CRISP3: variants seen among roughly 807,000 people sequenced by gnomAD.
The protein encoded by CRISP3 is cysteine rich secretory protein 3.
Under a neutral mutation model 36.1 loss-of-function variants are expected in CRISP3, and 33 were observed. The ratio of observed to expected loss-of-function variants is 0.91; its 90% CI spans 0.69 to 1.22. CRISP3 has a LOEUF of 1.22. Among genes scored for constraint, CRISP3 ranks in the 50% most tolerant of loss-of-function variants. The probability of loss-of-function intolerance (pLI) is 0.00; values close to 1 mark genes in which losing one functional copy is unlikely to be tolerated. For synonymous variants in CRISP3, 117 were observed against 104.6 expected (o/e 1.12, Z -0.72); for missense variants, 330 against 301.2 (o/e 1.10, Z -0.71).
At chr6:49,740,045 A>G (rs1461418142) in intron 1 of CRISP3, among the ~76,000 whole-genome samples, 1 of 152,174 alleles carries the variant, frequency 6.6e-6, no homozygotes, top group East Asian at 1.9e-4. Flanking sequence ...TATGATTTCA[A>G]ATAGTGATGG....
chr6:49,742,590 C>CCACTG (rs1769233588), intron 1 of CRISP3, among the ~76,000 whole-genome samples: 1 of 142,462 alleles, frequency 7.0e-6, no homozygotes, highest in African/African-American at 2.6e-5. Flanking sequence ...CGAGAGTGTG[C>CCACTG]CACTGCACTC....
chr6:49,733,194 C>A lies in CRISP3; in HGVS notation c.560+1G>T. 6.5e-7 allele frequency: 1 copy of A among 1,539,620 alleles called. No individual in the cohort carries two copies. Among genetic ancestry groups the A allele is most frequent in the Non-Finnish European group, 8.9e-7 (1 of 1,122,258 alleles). On this transcript the variant is annotated splice_donor_variant, in intron 6 of 7. Coordinates refer to ENST00000263045, the MANE Select transcript of CRISP3 (RefSeq NM_006061.4). LOFTEE classifies it high-confidence loss of function. ...CAATAAACGCTAAAATATATACTTA[C>A]GCAGGACAATATTGGCAAACATAGT...
chr6:49,730,394 G>GT lies in CRISP3; in HGVS notation c.649+768dup, dbSNP rs1233718607. Among the ~76,000 whole-genome samples the GT allele has an allele frequency of 3.3e-5, 5 of 152,080 alleles. No homozygotes were observed. In the East Asian group the frequency reaches 9.7e-4, roughly 30 times the overall value. ...GATTATTATACTAAACTTGATGATT[G>GT]TAACTACACTATGGCAAAAATGAGG... On this transcript the variant is annotated intron_variant, in intron 7 of 7. Transcript: ENST00000263045.
chr6:49,741,687 C>A (rs1244331227), intron 1 of CRISP3, among the ~76,000 whole-genome samples: 3 of 137,176 alleles, frequency 2.2e-5, no homozygotes, highest in Admixed American at 1.5e-4. Context: ...TACTGCAAAT[C>A]TATACCCAAT....
intron 1 of CRISP3, 89 bp from the exon 2 acceptor site, chr6:49,737,487 G>C: frequency 7.5e-7 from 1 of 1,341,436 alleles, no homozygotes; most frequent in Non-Finnish European, 1.1e-6. Context: ...GAAACGTAAT[G>C]ACCTCCATTA....
At chr6:49,735,985 C>T (rs1769041990) in intron 3 of CRISP3, among the ~76,000 whole-genome samples, 1 of 151,986 alleles carries the variant, frequency 6.6e-6, no homozygotes, top group Admixed American at 6.6e-5. Context: ...TTTTCCCCCT[C>T]ACTGAATATG....
rs184193221 is a variant in CRISP3 at position 49,733,681 on chromosome 6, G to T, written c.462+22C>A. On this transcript the variant is annotated intron_variant, in intron 5 of 7. Transcript: ENST00000263045. ...TTTTAGGGCACTTATAAAGGAGATG[G>T]TTTTTCATTTCTTCTCCTTACCTGT... 1.4e-3 allele frequency: 2,217 copies of T among 1,591,402 alleles called. 32 individuals are homozygous for T. The African/African-American group carries it at 0.027, about 20-fold the overall frequency.
At chr6:49,730,042 T>C (rs566504575) in intron 7 of CRISP3, among the ~76,000 whole-genome samples, 1 of 152,236 alleles carries the variant, frequency 6.6e-6, no homozygotes, top group East Asian at 1.9e-4. Flanking sequence ...TTTGGTATTA[T>C]CAGTATTCTG....
chr6:49,743,560 T>A (rs1160268775), intron 1 of CRISP3, among the ~76,000 whole-genome samples: 2 of 152,198 alleles, frequency 1.3e-5, no homozygotes, highest in African/African-American at 4.8e-5. Context: ...CTTTAAAATC[T>A]TCTGTCTAGT....
chr6:49,734,793 C>G (rs952226702), intron 4 of CRISP3, among the ~76,000 whole-genome samples: 1 of 151,998 alleles, frequency 6.6e-6, no homozygotes, highest in Non-Finnish European at 1.5e-5. Context: ...TTTGCCTTTA[C>G]CTATGTTATT....
At chr6:49,738,463 A>G (rs1196041555) in intron 1 of CRISP3, among the ~76,000 whole-genome samples, 1 of 152,194 alleles carries the variant, frequency 6.6e-6, no homozygotes, top group African/African-American at 2.4e-5. Flanking sequence ...CAAATAGTAT[A>G]TGGTAGATCC....
At position 49,733,253 on chromosome 6, in the gene CRISP3, C is replaced by T. The variant is rs1160407546; in HGVS notation, c.502G>A (p.Ala168Thr). ...AGAACTTTTTGATTGGGACAGTAGG[C>T]ATTTCCACATCCAACGAGGTATGAA... ...YSSYLVGCGN[A>T]YCPNQKVLKY... The change falls in exon 6 of 8, where the codon GCC becomes ACC. Residue 168 changes from alanine to threonine, a missense_variant. Ala to Thr is a moderately conservative substitution (Grantham distance 58). Transcript: ENST00000263045. 6.2e-7 allele frequency: 1 copy of T among 1,611,282 alleles called. No homozygotes were observed.
chr6:49,735,632 A>C, intron 3 of CRISP3, 41 bp from the exon 4 acceptor site: 60 of 1,480,948 alleles, frequency 4.1e-5, no homozygotes, highest in Non-Finnish European at 5.0e-5. Flanking sequence ...TTAATGTCTC[A>C]AACCTCAAAG....
At chr6:49,736,284 A>G in intron 3 of CRISP3, 107 bp downstream of exon 3, 1 of 734,456 alleles carries the variant, frequency 1.4e-6, no homozygotes, top group Non-Finnish European at 2.3e-6. Flanking sequence ...AAAAAAATAC[A>G]GAGAGAACTT....
At chr6:49,732,071 T>A (rs1768929562) in intron 6 of CRISP3, among the ~76,000 whole-genome samples, 1 of 152,218 alleles carries the variant, frequency 6.6e-6, no homozygotes, top group Admixed American at 6.5e-5. Flanking sequence ...TAGCTGAATC[T>A]CAGCCTTTCT....
At chr6:49,733,059 T>C (rs1203943622) in intron 6 of CRISP3, 136 bp downstream of exon 6, 3 of 494,092 alleles carry the variant, frequency 6.1e-6, no homozygotes, top group African/African-American at 2.0e-5. Flanking sequence ...GTTGGTTGAA[T>C]GTGTCTCAAC....
At position 49,739,559 on chromosome 6, in the gene CRISP3, G is replaced by A. The variant is rs116159890; in HGVS notation, c.38-2161C>T. Reference sequence around the variant, plus strand: ...GAATCTAGCACAATTCAGGGCTCAGGGAGTAAACAACTTGAATGAGATAAA... The same window carrying A: ...GAATCTAGCACAATTCAGGGCTCAGAGAGTAAACAACTTGAATGAGATAAA... On this transcript the variant is annotated intron_variant, in intron 1 of 7. Transcript: ENST00000263045. Among the ~76,000 whole-genome samples the A allele has an allele frequency of 6.9e-3, 1,046 of 152,232 alleles. 10 individuals are homozygous for A. The highest frequency in any genetic ancestry group is 0.021 in the African/African-American group (873 of 41,532).
chr6:49,743,389 A>C (rs868755703), intron 1 of CRISP3, among the ~76,000 whole-genome samples: 67 of 152,120 alleles, frequency 4.4e-4, no homozygotes, highest in African/African-American at 1.5e-3. Context: ...TCATCAATTT[A>C]ATTTCTTTTG....
intron 6 of CRISP3, 59 bp downstream of exon 6, chr6:49,733,136 T>A (rs919774483): frequency 2.0e-4 from 191 of 966,076 alleles, no homozygotes; most frequent in Non-Finnish European, 2.6e-4. Flanking sequence ...AGTTTTTTTT[T>A]ATTAAATGTT....
Sources: allele counts gnomAD v4.1 joint callset (sites outside exome capture counted in the v4.1 genomes callset), GRCh38; gene constraint gnomAD v4.1.1; transcripts MANE v1.5; gene names NCBI Gene and HGNC (gene_info 2026-07-23, HGNC 2026-07-21).